Variants in MACF1 observed in about 807,000 individuals in gnomAD.
The protein encoded by MACF1 is microtubule-actin cross-linking factor 1.
In MACF1, 193 loss-of-function variants were observed where a neutral mutation model predicts 854.8. The ratio of observed to expected loss-of-function variants is 0.23; its 90% CI spans 0.20 to 0.25. MACF1 has a LOEUF of 0.25. MACF1 is among the 10% of genes least tolerant of loss of function. The pLI, the probability that MACF1 is intolerant of heterozygous loss-of-function variation, is 1.00. For missense variants in MACF1, 7,722 were observed against 8,929.1 expected, an observed-to-expected ratio of 0.86 and a Z score of 5.45; for synonymous variants, 3,185 against 3,226.7, an observed-to-expected ratio of 0.99 and a Z score of 0.44.
chr1:39,418,745 C>G (rs2148629981), intron 58 of MACF1, among the ~76,000 whole-genome samples: 2 of 152,238 alleles, frequency 1.3e-5, no homozygotes, highest in South Asian at 4.1e-4. Context: ...TGCCTGTAGT[C>G]CCCGTTACTT....
intron 58 of MACF1, chr1:39,412,249 G>A (rs775375043): frequency 6.2e-7 from 1 of 1,613,988 alleles, no homozygotes. Flanking sequence ...TGAACTAACA[G>A]ATGTTACCTC....
chr1:39,094,118 T>C (rs937141181), intron 2 of MACF1, among the ~76,000 whole-genome samples: 1 of 151,786 alleles, frequency 6.6e-6, no homozygotes, highest in African/African-American at 2.4e-5. Flanking sequence ...AAGACTCAGA[T>C]TTTTTTTACC....
At chr1:39,346,521 CTT>C (rs527394465) in intron 40 of MACF1, among the ~76,000 whole-genome samples, 15 of 137,926 alleles carry the variant, frequency 1.1e-4, no homozygotes, top group East Asian at 2.1e-4. Flanking sequence ...GTGAGAGAGA[CTT>C]TTTTTTTTTT....
intron 40 of MACF1, 101 bp from the exon 41 acceptor site, chr1:39,346,876 C>T: frequency 3.9e-6 from 3 of 773,790 alleles, no homozygotes; most frequent in East Asian, 2.6e-5. Flanking sequence ...TATGAAAATA[C>T]AGGAAATTAG....
chr1:39,386,897 G>T (rs951603656), intron 57 of MACF1, among the ~76,000 whole-genome samples: 4 of 152,188 alleles, frequency 2.6e-5, no homozygotes, highest in African/African-American at 9.7e-5. Flanking sequence ...CTTGGTAGAA[G>T]AAAAATTGTG....
chr1:39,134,034 C>CT (rs754585049), intron 2 of MACF1, among the ~76,000 whole-genome samples: 41,269 of 71,964 alleles, frequency 0.57, 13,364 homozygotes, highest in South Asian at 0.73. Context: ...GAAGAACAGT[C>CT]TTTTTTTTTT....
intron 2 of MACF1, among the ~76,000 whole-genome samples, chr1:39,243,049 T>G (rs1447308106): frequency 6.6e-6 from 1 of 152,228 alleles, no homozygotes; most frequent in Admixed American, 6.5e-5. Flanking sequence ...CTGCACCATT[T>G]TACATCCTCA....
At chr1:39,481,173 G>C in intron 99 of MACF1, 143 bp downstream of exon 99, 1 of 547,676 alleles carries the variant, frequency 1.8e-6, no homozygotes, top group Non-Finnish European at 3.2e-6. Flanking sequence ...ATCTAGTCCA[G>C]TGTTTTCAGG....
intron 97 of MACF1, among the ~76,000 whole-genome samples, chr1:39,476,321 A>G (rs1253636614): frequency 2.0e-5 from 3 of 152,226 alleles, no homozygotes; most frequent in Non-Finnish European, 2.9e-5. Context: ...CTGTAATCCC[A>G]GCACTTTGGG....
intron 6 of MACF1, among the ~76,000 whole-genome samples, chr1:39,265,764 C>T (rs917794854): frequency 6.6e-6 from 1 of 152,126 alleles, no homozygotes; most frequent in African/African-American, 2.4e-5. Flanking sequence ...AAGTCAGGGA[C>T]CATCTATATC....
intron 23 of MACF1, among the ~76,000 whole-genome samples, chr1:39,307,536 G>A (rs181399711): frequency 2.0e-5 from 3 of 152,138 alleles, no homozygotes; most frequent in African/African-American, 4.8e-5. Context: ...CTAGAAACTC[G>A]TCTTTCAGGT....
Position 39,105,457 on chromosome 1 carries a change from G to A in MACF1, c.220+21019G>A, listed in dbSNP as rs939711596. The stretch of plus-strand genomic sequence containing the variant: ...GCCGGGTGCGAGCGGACTGAGGAGC[G>A]GAGCGCGACTGCCGGGCCGGGCGAG... On this transcript the variant is annotated intron_variant, in intron 2 of 93. Transcript: ENST00000361689. The surrounding 1 kb of genome is among the most constrained non-coding windows in gnomAD (Gnocchi z 5.9). The A allele has an allele frequency of 1.0e-6, 1 of 1,003,890 alleles. No individual in the cohort carries two copies. 62.2% of individuals were successfully genotyped at this position (1,003,890 alleles called of 1,614,324 possible).
chr1:39,375,357 A>G (rs1391457114), intron 52 of MACF1, among the ~76,000 whole-genome samples: 1 of 151,012 alleles, frequency 6.6e-6, no homozygotes, highest in Non-Finnish European at 1.5e-5. Flanking sequence ...GCTGGAGTGC[A>G]GTGGCACGAT....
rs139015549 is a variant in MACF1, at chr1:39,388,486, G to C, written c.15644G>C (p.Arg5215Thr). Residue 5215 changes from arginine to threonine, a missense_variant, in exon 58 of 101, where the codon AGG becomes ACG. This residue lies in a region of MACF1 where 2,807 missense variants were observed against 3,235.8 expected (regional missense o/e 0.87). Transcript: ENST00000564288. ...AAACAGTGTGGCAAACTGACAGAGA[G>C]GGGGAAAGCTCGTCAGGAACAGCTG... Reference protein sequence around the residue: ...LNKQCGKLTERGKARQEQLEL... With the variant: ...LNKQCGKLTETGKARQEQLEL... The C allele has an allele frequency of 2.5e-6, 4 of 1,614,166 alleles. No individual in the cohort carries two copies. Among genetic ancestry groups the C allele is most frequent in the African/African-American group, 2.7e-5 (2 of 75,040 alleles).
intron 2 of MACF1, among the ~76,000 whole-genome samples, chr1:39,150,111 G>A (rs1643547239): frequency 6.6e-6 from 1 of 151,606 alleles, no homozygotes; most frequent in South Asian, 2.1e-4. Context: ...GCAACCTCCT[G>A]CACTCAAGCA....
intron 54 of MACF1, among the ~76,000 whole-genome samples, chr1:39,380,004 C>T (rs1650036336): frequency 2.0e-5 from 3 of 152,166 alleles, no homozygotes; most frequent in African/African-American, 7.2e-5. Flanking sequence ...ATAATTCCTT[C>T]TTATTGAGTT....
intron 2 of MACF1, among the ~76,000 whole-genome samples, chr1:39,197,851 A>C (rs2148257020): frequency 6.6e-6 from 1 of 152,322 alleles, no homozygotes; most frequent in African/African-American, 2.4e-5. Flanking sequence ...ACACCACTGC[A>C]TTCTGGCCTG....
chr1:39,331,112 C>T (rs1027710689), intron 36 of MACF1, 91 bp from the exon 37 acceptor site: 6 of 1,433,040 alleles, frequency 4.2e-6, no homozygotes, highest in Non-Finnish European at 1.8e-6. Context: ...TTGAATGACT[C>T]CTTTCAATAG....
chr1:39,167,713 G>GAA, intron 2 of MACF1, among the ~76,000 whole-genome samples: 1 of 141,760 alleles, frequency 7.1e-6, no homozygotes, highest in African/African-American at 2.6e-5. Context: ...TCTCAAAAAA[G>GAA]AAAAAAAAAA....
Sources: allele counts gnomAD v4.1 joint callset (sites outside exome capture counted in the v4.1 genomes callset), GRCh38; gene constraint gnomAD v4.1.1; regional missense constraint gnomAD v4.1.1; non-coding constraint Gnocchi (gnomAD v3.1); transcripts MANE v1.5; gene names NCBI Gene and HGNC (gene_info 2026-07-23, HGNC 2026-07-21).